Variants in CAMLG observed in about 807,000 individuals in gnomAD.
CAMLG encodes the protein calcium modulating ligand.
A neutral mutation model predicts 28.9 loss-of-function variants in CAMLG; 23 were observed. That is an observed-to-expected ratio of 0.80 (90% CI 0.57 to 1.13). CAMLG has a LOEUF of 1.13. Among genes scored for constraint, CAMLG ranks in the 50% most tolerant of loss-of-function variants. The probability of loss-of-function intolerance (pLI) is 0.00; values close to 1 mark genes in which losing one functional copy is unlikely to be tolerated. For synonymous variants in CAMLG, 141 were observed against 146.5 expected (o/e 0.96, Z 0.27); for missense variants, 367 against 371.9 (o/e 0.99, Z 0.11).
chr5:134,740,986 A>G (rs1439168889), intron 1 of CAMLG, 77 bp from the exon 2 acceptor site: 11 of 923,364 alleles, frequency 1.2e-5, no homozygotes, highest in Non-Finnish European at 1.9e-5. Context: ...CTGCAACAGC[A>G]TATTTTAAAA....
At chr5:134,743,339 A>G (rs1273922845) in intron 2 of CAMLG, among the ~76,000 whole-genome samples, 2 of 152,232 alleles carry the variant, frequency 1.3e-5, no homozygotes, top group African/African-American at 2.4e-5. Context: ...TGGGGACGCT[A>G]AAAGAATATG....
intron 3 of CAMLG, among the ~76,000 whole-genome samples, chr5:134,746,920 T>A (rs530956474): frequency 3.9e-5 from 6 of 152,188 alleles, no homozygotes; most frequent in African/African-American, 1.4e-4. Flanking sequence ...AAACGCTATG[T>A]CTGCTGAAAA....
rs751658223 is a variant in CAMLG, at chr5:134,744,527, C to CAAAAAAAAA, written c.699+486_699+494dup. On this transcript the variant is annotated intron_variant, in intron 3 of 3. Transcript: ENST00000297156. ...GGGTGACAGAGTGAGACTCTGTCTCCAAAAAAAAAAAAAAAAAAAGAGTAA... is the reference window on the plus strand; with the variant it reads ...GGGTGACAGAGTGAGACTCTGTCTCCAAAAAAAAAAAAAAAAAAAAAAAAAAAAGAGTAA... Among the ~76,000 whole-genome samples the CAAAAAAAAA allele has an allele frequency of 5.9e-3, 358 of 60,566 alleles. 2 individuals carry two copies. Among genetic ancestry groups the CAAAAAAAAA allele is most frequent in the Middle Eastern group, 0.036 (4 of 112 alleles). 39.7% of individuals were successfully genotyped at this position (60,566 alleles called of 152,430 possible).
intron 2 of CAMLG, among the ~76,000 whole-genome samples, chr5:134,743,328 T>C (rs920717123): frequency 3.3e-5 from 5 of 152,184 alleles, no homozygotes; most frequent in African/African-American, 9.7e-5. Flanking sequence ...GAAGACAGTT[T>C]TGGGGACGCT....
At chr5:134,739,078 C>G (rs1283374296) in intron 1 of CAMLG, among the ~76,000 whole-genome samples, 4 of 148,244 alleles carry the variant, frequency 2.7e-5, no homozygotes, top group Admixed American at 1.3e-4. Context: ...CCCCTTTTTT[C>G]CTTAGCCACT....
At chr5:134,744,350 C>T (rs1335491751) in intron 3 of CAMLG, among the ~76,000 whole-genome samples, 2 of 151,958 alleles carry the variant, frequency 1.3e-5, no homozygotes, top group East Asian at 3.9e-4. Context: ...ATGGTGCAAC[C>T]CCATCTCTGC....
rs755002740 is a variant in CAMLG, at chr5:134,743,952, T to G, written c.634-35T>G. On this transcript the variant is annotated intron_variant, in intron 2 of 3. Coordinates refer to ENST00000297156, the MANE Select transcript of CAMLG (RefSeq NM_001745.4). The stretch of plus-strand genomic sequence containing the variant: ...ATTTATTGTGATTTGAATGATTATG[T>G]TGGAAATATTTAATTTTATCTTCTA... 4 of 940,772 alleles carry G rather than the reference T, an allele frequency of 4.3e-6. No homozygotes were observed. The South Asian group carries it at 5.8e-5, about 14-fold the overall frequency. The allele number at this position is 940,772 out of a possible 1,614,324, so 58.3% of individuals were successfully genotyped here.
At chr5:134,750,037 AGTC>A (rs1376173184) in intron 3 of CAMLG, among the ~76,000 whole-genome samples, 1 of 152,162 alleles carries the variant, frequency 6.6e-6, no homozygotes, top group Non-Finnish European at 1.5e-5. Flanking sequence ...CTTCCTCTGA[AGTC>A]CTCCTTGTGC....
In CAMLG at chr5:134,751,092, T is replaced by C; in HGVS notation, c.*142T>C. The C allele has an allele frequency of 7.0e-6, 4 of 570,578 alleles. No homozygotes were observed. The South Asian group carries it at 1.1e-4, about 15-fold the overall frequency. The allele number at this position is 570,578 out of a possible 1,614,324, so 35.3% of individuals were successfully genotyped here. On this transcript the variant is annotated 3_prime_UTR_variant, in exon 4 of 4. Coordinates refer to ENST00000297156, the MANE Select transcript of CAMLG (RefSeq NM_001745.4). The stretch of plus-strand genomic sequence containing the variant: ...GGTTGTAAAGCTACTTTATTAGATA[T>C]AGAATGGCAGATTCTCTGATTTAAA...
chr5:134,740,825 G>C (rs1190816505), intron 1 of CAMLG, among the ~76,000 whole-genome samples: 1 of 152,086 alleles, frequency 6.6e-6, no homozygotes, highest in African/African-American at 2.4e-5. Flanking sequence ...GGCTAGGATG[G>C]TCTCAATCTC....
Position 134,738,827 on chromosome 5 carries a change from A to G in CAMLG, c.172+35A>G, listed in dbSNP as rs190718931. ...TCGATTTCCCCTCAGTCTCCCGCCC[A>G]TCACCTTGAATCTTCAGGGTCATTC... On this transcript the variant is annotated intron_variant, in intron 1 of 3. Coordinates refer to ENST00000297156, the MANE Select transcript of CAMLG (RefSeq NM_001745.4). 92 of 1,603,462 alleles carry G rather than the reference A, an allele frequency of 5.7e-5. No individual in the cohort carries two copies. The East Asian group carries it at 1.9e-3, about 33-fold the overall frequency.
Position 134,738,696 on chromosome 5 carries a change from C to A in CAMLG, c.76C>A (p.Gln26Lys). 1 of 1,613,910 alleles carries A rather than the reference C, an allele frequency of 6.2e-7. No individual in the cohort carries two copies. The highest frequency in any genetic ancestry group is 2.2e-5 in the East Asian group (1 of 44,854). The change falls in exon 1 of 4, where the codon CAG becomes AAG. Residue 26 changes from glutamine (Q) to lysine (K), a missense_variant. Gln to Lys is a moderately conservative substitution (Grantham distance 53). Coordinates refer to ENST00000297156, the MANE Select transcript of CAMLG (RefSeq NM_001745.4). ...AGCGGGCTCAGGTCTGTCGGCTTCC[C>A]AGCGTCGGGCGGAGCTGCGTCGGAG... ...VPAGSGLSAS[Q>K]RRAELRRRKL... is the part of the protein sequence containing the mutation.
intron 2 of CAMLG, among the ~76,000 whole-genome samples, chr5:134,743,208 T>A (rs1753004752): frequency 6.6e-6 from 1 of 152,138 alleles, no homozygotes; most frequent in Non-Finnish European, 1.5e-5. Flanking sequence ...TTCCTGGATA[T>A]CAATTAATTC....
At position 134,752,089 on chromosome 5, in the gene CAMLG, TACAG is replaced by T. The variant is rs1753120731; in HGVS notation, c.*1141_*1144del. On this transcript the variant is annotated 3_prime_UTR_variant, in exon 4 of 4. Coordinates refer to ENST00000297156, the MANE Select transcript of CAMLG (RefSeq NM_001745.4). ...AATGTCACTTGGTGTTACATTTCCT[TACAG>T]ATTTTTGTATAGTCTAATTTGGTTA... 1 of 152,212 alleles carries T rather than the reference TACAG, an allele frequency of 6.6e-6. No individual in the cohort carries two copies. The highest frequency in any genetic ancestry group is 2.4e-5 in the African/African-American group (1 of 41,460). 9.4% of individuals were successfully genotyped at this position (152,212 alleles called of 1,614,324 possible).
At chr5:134,749,792 C>T (rs1753092021) in intron 3 of CAMLG, among the ~76,000 whole-genome samples, 1 of 152,146 alleles carries the variant, frequency 6.6e-6, no homozygotes, top group East Asian at 1.9e-4. Context: ...AGTCTCAGTT[C>T]AGTGCAGCCT....
intron 3 of CAMLG, among the ~76,000 whole-genome samples, chr5:134,747,997 G>A (rs1328776886): frequency 6.6e-6 from 1 of 151,844 alleles, no homozygotes. Context: ...AAGTAGCTGG[G>A]ATTACAGGCA....
intron 3 of CAMLG, among the ~76,000 whole-genome samples, chr5:134,747,375 C>A (rs1431225071): frequency 6.6e-6 from 1 of 151,164 alleles, no homozygotes; most frequent in Non-Finnish European, 1.5e-5. Context: ...TTTTTTGAGA[C>A]GAGGCTTGCT....
chr5:134,750,813 A>G lies in CAMLG; in HGVS notation c.754A>G (p.Ile252Val). Residue 252 changes from isoleucine to valine, a missense_variant, in exon 4 of 4, where the codon ATT becomes GTT. Ile to Val is a conservative substitution (Grantham distance 29). Coordinates refer to ENST00000297156, the MANE Select transcript of CAMLG (RefSeq NM_001745.4). The stretch of plus-strand genomic sequence containing the variant: ...AACAGCTGCACTTCTATTGTCGGGA[A>G]TTCCTGCCGAAGTGATAAATCGATC... Reference protein sequence around the residue: ...VLTAALLLSGIPAEVINRSMD... With the variant: ...VLTAALLLSGVPAEVINRSMD... 1 of 1,613,950 alleles carries G rather than the reference A, an allele frequency of 6.2e-7. No homozygotes were observed. Among genetic ancestry groups the G allele is most frequent in the South Asian group, 1.1e-5 (1 of 91,080 alleles).
chr5:134,749,905 A>G (rs1401837602), intron 3 of CAMLG, among the ~76,000 whole-genome samples: 2 of 152,134 alleles, frequency 1.3e-5, no homozygotes, highest in East Asian at 1.9e-4. Context: ...GAGTCTCCCT[A>G]TGTTGCCCAG....
Sources: allele counts gnomAD v4.1 joint callset (sites outside exome capture counted in the v4.1 genomes callset), GRCh38; gene constraint gnomAD v4.1.1; transcripts MANE v1.5; gene names NCBI Gene and HGNC (gene_info 2026-07-23, HGNC 2026-07-21).